The following SPAG16 variants were observed in gnomAD, a reference collection of about 807,000 sequenced individuals.
The protein encoded by SPAG16 is sperm associated antigen 16.
In SPAG16, 86 loss-of-function variants were observed where a neutral mutation model predicts 80.4. That is an observed-to-expected ratio of 1.07 (90% CI 0.90 to 1.28). SPAG16 has a LOEUF of 1.28. Ranked by LOEUF, SPAG16 falls within the 50% of genes most tolerant of loss-of-function variation. The pLI is 0.00. For missense variants in SPAG16, 870 were observed against 765.3 expected, an observed-to-expected ratio of 1.14 and a Z score of -1.61; for synonymous variants, 294 against 265.9, an observed-to-expected ratio of 1.11 and a Z score of -1.03.
chr2:213,317,399 A>G, intron 5 of SPAG16, 43 bp downstream of exon 5: 1 of 1,577,054 alleles, frequency 6.3e-7, no homozygotes, highest in Non-Finnish European at 8.6e-7. Flanking sequence ...TTTCTTTTGG[A>G]CTAAATAAAA....
chr2:213,434,169 C>T (rs1412009104), intron 9 of SPAG16, among the ~76,000 whole-genome samples: 1 of 152,096 alleles, frequency 6.6e-6, no homozygotes, highest in African/African-American at 2.4e-5. Context: ...ATCCACCTGC[C>T]TCGGCCTCCC....
intron 15 of SPAG16, among the ~76,000 whole-genome samples, chr2:214,179,882 A>C (rs931180802): frequency 2.6e-5 from 4 of 151,532 alleles, no homozygotes; most frequent in African/African-American, 7.3e-5. Context: ...AGAATTTAAC[A>C]GTTTATATGT....
chr2:213,349,639 C>A (rs66796332), intron 6 of SPAG16, among the ~76,000 whole-genome samples: 59,100 of 151,850 alleles, frequency 0.39, 12,205 homozygotes, highest in East Asian at 0.67. Flanking sequence ...AACTAAAATC[C>A]ACTCAAGTTT....
At chr2:213,332,569 A>C (rs2064155817) in intron 5 of SPAG16, among the ~76,000 whole-genome samples, 1 of 152,108 alleles carries the variant, frequency 6.6e-6, no homozygotes, top group Non-Finnish European at 1.5e-5. Flanking sequence ...CAAACCAAAG[A>C]CACATCTAAA....
intron 8 of SPAG16, among the ~76,000 whole-genome samples, chr2:213,372,521 G>A (rs1385297445): frequency 6.6e-6 from 1 of 151,982 alleles, no homozygotes; most frequent in Non-Finnish European, 1.5e-5. Context: ...TTTTGTTGCT[G>A]CTCAGAATTG....
At chr2:214,213,570 G>A (rs1022470669) in intron 15 of SPAG16, among the ~76,000 whole-genome samples, 5 of 152,146 alleles carry the variant, frequency 3.3e-5, no homozygotes, top group African/African-American at 1.2e-4. Context: ...ATAATGTACA[G>A]GAGCTGTTCT....
At chr2:214,393,971 G>C (rs1454031176) in intron 15 of SPAG16, among the ~76,000 whole-genome samples, 1 of 152,202 alleles carries the variant, frequency 6.6e-6, no homozygotes, top group Non-Finnish European at 1.5e-5. Flanking sequence ...AGATGGTGGA[G>C]CAATTATCTG....
In SPAG16 at chr2:214,061,914, T is replaced by C. The variant is rs375356615; in HGVS notation, c.1528-46282T>C. On this transcript the variant is annotated intron_variant, in intron 13 of 15. Coordinates refer to ENST00000331683, the MANE Select transcript of SPAG16 (RefSeq NM_024532.5). ...AAAAATAATTTAACACCCAACAAGA[T>C]AAAGTTCCCAGTGTTTGTTATCCAA... 1.2e-3 allele frequency among the ~76,000 whole-genome samples: 187 copies of C among 150,712 alleles called. 4 individuals carry two copies. In the South Asian group the frequency reaches 0.018, roughly 14 times the overall value.
At chr2:214,161,212 A>G (rs1004778454) in intron 15 of SPAG16, among the ~76,000 whole-genome samples, 1 of 152,052 alleles carries the variant, frequency 6.6e-6, no homozygotes, top group Non-Finnish European at 1.5e-5. Flanking sequence ...TTGATGGGCA[A>G]TTAGATTGAT....
At chr2:214,169,427 A>C (rs1348303207) in intron 15 of SPAG16, among the ~76,000 whole-genome samples, 1 of 152,024 alleles carries the variant, frequency 6.6e-6, no homozygotes, top group Non-Finnish European at 1.5e-5. Context: ...AAAGCCGGTC[A>C]GTACTTTGCA....
intron 10 of SPAG16, among the ~76,000 whole-genome samples, chr2:213,596,865 AC>A (rs1670436844): frequency 1.3e-5 from 2 of 151,780 alleles, no homozygotes; most frequent in African/African-American, 2.4e-5. Flanking sequence ...TGATTATTTG[AC>A]CCCCTCCTAG....
intron 9 of SPAG16, among the ~76,000 whole-genome samples, chr2:213,480,712 GTCTT>G (rs1334237763): frequency 3.9e-5 from 6 of 152,052 alleles, no homozygotes; most frequent in Non-Finnish European, 5.9e-5. Flanking sequence ...TTGGCTACCT[GTCTT>G]TCTATTTTGT....
At chr2:213,530,732 C>A (rs962808141) in intron 10 of SPAG16, among the ~76,000 whole-genome samples, 3 of 151,712 alleles carry the variant, frequency 2.0e-5, no homozygotes, top group African/African-American at 7.3e-5. Context: ...TATCTAGTAA[C>A]TTTCTCCCCT....
chr2:213,808,204 T>C (rs572158553), intron 10 of SPAG16, among the ~76,000 whole-genome samples: 93 of 152,286 alleles, frequency 6.1e-4, no homozygotes, highest in African/African-American at 2.2e-3. Context: ...AGCACTTGTT[T>C]GCAGGTAAAC....
At chr2:213,930,322 T>TC (rs2078695826) in intron 12 of SPAG16, among the ~76,000 whole-genome samples, 177 bp downstream of exon 12, 1 of 152,178 alleles carries the variant, frequency 6.6e-6, no homozygotes, top group Non-Finnish European at 1.5e-5. Flanking sequence ...CATTTCTAAC[T>TC]CCATTAATCT....
chr2:213,574,375 A>T (rs1300008091), intron 10 of SPAG16, among the ~76,000 whole-genome samples: 1 of 152,078 alleles, frequency 6.6e-6, no homozygotes, highest in African/African-American at 2.4e-5. Context: ...GACAAAGCCA[A>T]ATTTTAAGGA....
intron 10 of SPAG16, among the ~76,000 whole-genome samples, chr2:213,803,426 G>C (rs1363358214): frequency 1.3e-5 from 2 of 152,142 alleles, no homozygotes; most frequent in Non-Finnish European, 2.9e-5. Context: ...AAGGGAGTGA[G>C]AGACAGATTT....
chr2:213,358,450 T>A (rs374015036), intron 7 of SPAG16, among the ~76,000 whole-genome samples: 1 of 152,230 alleles, frequency 6.6e-6, no homozygotes. Context: ...GAGGCTTTGT[T>A]CATTTCTTTT....
intron 12 of SPAG16, 106 bp from the exon 13 acceptor site, chr2:214,013,845 C>T: frequency 3.0e-5 from 35 of 1,185,012 alleles, no homozygotes; most frequent in Middle Eastern, 2.4e-4. Context: ...AAATTTTTGC[C>T]ATTAATAAAA....
Sources: allele counts gnomAD v4.1 joint callset (sites outside exome capture counted in the v4.1 genomes callset), GRCh38; gene constraint gnomAD v4.1.1; transcripts MANE v1.5; gene names NCBI Gene and HGNC (gene_info 2026-07-23, HGNC 2026-07-21).